The following CC2D1A variants were observed in gnomAD, a reference collection of about 807,000 sequenced individuals.
CC2D1A encodes the protein coiled-coil and C2 domain containing 1A.
A neutral mutation model predicts 123.8 loss-of-function variants in CC2D1A; 68 were observed. The observed-to-expected ratio is 0.55, with a 90% CI of 0.45 to 0.67. CC2D1A has a LOEUF of 0.67. Ranked by LOEUF, CC2D1A falls within the 30% of genes least tolerant of loss-of-function variation. CC2D1A has a pLI of 0.00. For missense variants in CC2D1A, 1,185 were observed against 1,290.3 expected (o/e 0.92, Z 1.25); for synonymous variants, 477 against 528.0 (o/e 0.90, Z 1.32).
chr19:13,924,534 A>G lies in CC2D1A; in HGVS notation c.1940+723A>G, dbSNP rs60244066. Among the ~76,000 whole-genome samples the G allele has an allele frequency of 1.8e-3, 266 of 151,628 alleles. 1 individual carries two copies. Among genetic ancestry groups the G allele is most frequent in the African/African-American group, 6.2e-3 (254 of 41,294 alleles). ...ACCCAGGCGGGAGTACAGTGGCGCAATCTCAGCTCACTTCAACCTCTGCCT... is the reference window on the plus strand; with the variant it reads ...ACCCAGGCGGGAGTACAGTGGCGCAGTCTCAGCTCACTTCAACCTCTGCCT... On this transcript the variant is annotated intron_variant, in intron 17 of 28. Coordinates refer to ENST00000318003, the MANE Select transcript of CC2D1A (RefSeq NM_017721.5).
At position 13,923,407 on chromosome 19, in the gene CC2D1A, C is replaced by T. The variant is rs375199593; in HGVS notation, c.1716C>T (p.Ala572=). Residue 572 remains alanine (A), a synonymous_variant, in exon 15 of 29, where the codon GCC becomes GCT. Coordinates refer to ENST00000318003, the MANE Select transcript of CC2D1A (RefSeq NM_017721.5). The surrounding 1 kb of genome is among the most constrained non-coding windows in gnomAD (Gnocchi z 5.3). ...QRPGPGLSQE[A]ARRYGELTKL... ...CTGGCCCGGGTCTGTCTCAGGAGGC[C>T]GCCCGGCGCTATGGTGAACTCACCA... 36 of 1,613,418 alleles carry T rather than the reference C, an allele frequency of 2.2e-5. No individual in the cohort carries two copies. The highest frequency in any genetic ancestry group is 4.4e-5 in the South Asian group (4 of 91,086).
Position 13,926,546 on chromosome 19 carries a change from T to TG in CC2D1A, c.1971dup (p.Leu658AlafsTer28). ...TTCCCTGACCTCAGCAGCAACGACATGCTCCTCTTCATCGTGAAGGGCATC... is the reference window on the plus strand; with the variant it reads ...TTCCCTGACCTCAGCAGCAACGACATGGCTCCTCTTCATCGTGAAGGGCATC... On this transcript the variant is annotated frameshift_variant, in exon 18 of 29. Transcript: ENST00000318003. LOFTEE classifies it high-confidence loss of function. The TG allele has an allele frequency of 6.2e-7, 1 of 1,614,098 alleles. No homozygotes were observed. Among genetic ancestry groups the TG allele is most frequent in the Non-Finnish European group, 8.5e-7 (1 of 1,179,992 alleles).
chr19:13,924,607 C>T (rs1971528200), intron 17 of CC2D1A, among the ~76,000 whole-genome samples: 1 of 152,122 alleles, frequency 6.6e-6, no homozygotes, highest in African/African-American at 2.4e-5. Flanking sequence ...ATAGCTGGGA[C>T]TACAGGTGCC....
rs746991206 is a variant in CC2D1A at position 13,928,042 on chromosome 19, C to T, written c.2454+12C>T. ...CAGCTGTGCCCACAGTGAGACCCCC[C>T]ACCCCCACCCATCAGCAACCCCAGG... On this transcript the variant is annotated intron_variant, in intron 23 of 28. Transcript: ENST00000318003. 30 of 1,610,932 alleles carry T rather than the reference C, an allele frequency of 1.9e-5. No homozygotes were observed. The highest frequency in any genetic ancestry group is 2.5e-5 in the Non-Finnish European group (29 of 1,177,560).
chr19:13,930,027 G>A lies in CC2D1A; in HGVS notation c.2711-51G>A. ...GATGGGCACAGTCCAGGAGGGTTGTGGGCAGTGAGGCCCCACCCTAAGCCT... is the reference window on the plus strand; with the variant it reads ...GATGGGCACAGTCCAGGAGGGTTGTAGGCAGTGAGGCCCCACCCTAAGCCT... On this transcript the variant is annotated intron_variant, in intron 26 of 28. Transcript: ENST00000318003. This position sits in a 1 kb window ranked among gnomAD's most constrained non-coding sequence, Gnocchi z 6.8. 6.4e-7 allele frequency: 1 copy of A among 1,571,706 alleles called. No homozygotes were observed.
At chr19:13,927,340 C>T in intron 22 of CC2D1A, 75 bp downstream of exon 22, 2 of 1,260,214 alleles carry the variant, frequency 1.6e-6, no homozygotes, top group Non-Finnish European at 2.3e-6. Flanking sequence ...CACTTCCTGC[C>T]TTGAGCCCTC....
chr19:13,918,926 C>G lies in CC2D1A; in HGVS notation c.1033C>G (p.Pro345Ala), dbSNP rs868611556. 5.6e-6 allele frequency: 9 copies of G among 1,610,742 alleles called. No individual in the cohort carries two copies. The Middle Eastern group carries it at 1.5e-3, about 267-fold the overall frequency. Residue 345 changes from proline (P) to alanine (A), a missense_variant, in exon 10 of 29, where the codon CCG becomes GCG. Coordinates refer to ENST00000318003, the MANE Select transcript of CC2D1A (RefSeq NM_017721.5). ...GTCCGGCCCAGAGGTGCCCCCACCCCCGAGGACCCTGCTGGAGGCGCTGGA... is the reference window on the plus strand; with the variant it reads ...GTCCGGCCCAGAGGTGCCCCCACCCGCGAGGACCCTGCTGGAGGCGCTGGA... ...APSTTEVPPP[P>A]RTLLEALEQR... is the part of the protein sequence containing the mutation.
rs1300365242 is a variant in CC2D1A at position 13,906,912 on chromosome 19, T to A, written c.60+411T>A. 6.6e-6 allele frequency among the ~76,000 whole-genome samples: 1 copy of A among 152,226 alleles called. No homozygotes were observed. Among genetic ancestry groups the A allele is most frequent in the Non-Finnish European group, 1.5e-5 (1 of 68,036 alleles). On this transcript the variant is annotated intron_variant, in intron 1 of 28. Coordinates refer to ENST00000318003, the MANE Select transcript of CC2D1A (RefSeq NM_017721.5). The surrounding 1 kb of genome is among the most constrained non-coding windows in gnomAD (Gnocchi z 4.1). ...CCAGGGCTAAGCACAAATCCAGGGC[T>A]GCAGCCATAAGCTTATGGCACTGTG...
chr19:13,918,418 G>A, intron 7 of CC2D1A, 86 bp from the exon 8 acceptor site: 8 of 1,327,686 alleles, frequency 6.0e-6, no homozygotes, highest in South Asian at 1.4e-5. Context: ...AGAAGTCCTC[G>A]GTGGCATGGA....
intron 22 of CC2D1A, 198 bp from the exon 23 acceptor site, chr19:13,927,695 G>GT: frequency 1.6e-6 from 1 of 611,246 alleles, no homozygotes; most frequent in Non-Finnish European, 2.9e-6. Flanking sequence ...GGAGAATGGC[G>GT]TAAGTAAACC....
At chr19:13,925,075 C>T (rs570606460) in intron 17 of CC2D1A, among the ~76,000 whole-genome samples, 1 of 152,186 alleles carries the variant, frequency 6.6e-6, no homozygotes, top group South Asian at 2.1e-4. Context: ...TATGATGTCA[C>T]CTTCCCTCTA....
chr19:13,929,637 A>C lies in CC2D1A; in HGVS notation c.2687A>C (p.Gln896Pro), dbSNP rs757600205. ...RSQWQRAQLE[Q>P]GGVGIRREYA... ...CAGTGGCAGAGGGCACAGCTGGAGC[A>C]GGGGGGTGTGGGCATCCGACGGGGT... The change falls in exon 26 of 29, where the codon CAG (glutamine) becomes CCG (proline). Residue 896 changes from glutamine (Q) to proline (P), a missense_variant. By Grantham distance (76) the Gln-to-Pro change is moderately conservative (BLOSUM62 -1). Transcript: ENST00000318003. 49 of 1,388,752 alleles carry C rather than the reference A, an allele frequency of 3.5e-5. No individual in the cohort carries two copies. Among genetic ancestry groups the C allele is most frequent in the Non-Finnish European group, 4.5e-5 (48 of 1,056,396 alleles). 86.0% of individuals were successfully genotyped at this position (1,388,752 alleles called of 1,614,324 possible). A position where few individuals can be genotyped will look rare whatever the true frequency, so the allele number is the denominator to read the frequency against.
intron 14 of CC2D1A, among the ~76,000 whole-genome samples, chr19:13,921,862 A>G (rs765800813): frequency 2.0e-5 from 3 of 152,214 alleles, no homozygotes; most frequent in Non-Finnish European, 4.4e-5. Flanking sequence ...AAACACAGTG[A>G]GACTCACTGT....
chr19:13,923,197 A>C lies in CC2D1A; in HGVS notation c.1642-136A>C. On this transcript the variant is annotated intron_variant, in intron 14 of 28. Transcript: ENST00000318003. This position sits in a 1 kb window ranked among gnomAD's most constrained non-coding sequence, Gnocchi z 5.3. ...AACAGAGCGAGACTCCATCTCAAAA[A>C]AAAAAAAAGACCAGAGAAGGGTGAC... 1 of 1,170,434 alleles carries C rather than the reference A, an allele frequency of 8.5e-7. No individual in the cohort carries two copies. The highest frequency in any genetic ancestry group is 1.2e-6 in the Non-Finnish European group (1 of 839,240). 72.5% of individuals were successfully genotyped at this position (1,170,434 alleles called of 1,614,324 possible). A position where few individuals can be genotyped will look rare whatever the true frequency, so the allele number is the denominator to read the frequency against.
At position 13,918,907 on chromosome 19, in the gene CC2D1A, C is replaced by T. The variant is rs1365965058; in HGVS notation, c.1019-5C>T. 6 of 1,608,570 alleles carry T rather than the reference C, an allele frequency of 3.7e-6. No homozygotes were observed. Among genetic ancestry groups the T allele is most frequent in the Admixed American group, 1.7e-5 (1 of 59,570 alleles). ...CTCTTAACCTTGTCCCCCTGTCCGG[C>T]CCAGAGGTGCCCCCACCCCCGAGGA... On this transcript the variant is annotated splice_polypyrimidine_tract_variant and splice_region_variant and intron_variant, in intron 9 of 28. Transcript: ENST00000318003.
At position 13,926,836 on chromosome 19, in the gene CC2D1A, G is replaced by A. The variant is rs370915483; in HGVS notation, c.2089G>A (p.Asp697Asn). 12 of 1,613,996 alleles carry A rather than the reference G, an allele frequency of 7.4e-6. No individual in the cohort carries two copies. In the African/African-American group the frequency reaches 9.3e-5, roughly 13 times the overall value. ...CTGGTCATAGGAAGAAGCTCAGAAA[G>A]ACAAGACCAGTGTGATCAAGAACAC... Reference protein sequence around the residue: ...PYPNVEEAQKDKTSVIKNTDS... With the variant: ...PYPNVEEAQKNKTSVIKNTDS... The change falls in exon 20 of 29, where the codon GAC becomes AAC. Residue 697 changes from aspartate (D) to asparagine (N), a missense_variant. Coordinates refer to ENST00000318003, the MANE Select transcript of CC2D1A (RefSeq NM_017721.5).
Position 13,927,881 on chromosome 19 carries a change from A to G in CC2D1A, c.2317-12A>G. 4 of 1,609,958 alleles carry G rather than the reference A, an allele frequency of 2.5e-6. No homozygotes were observed. The highest frequency in any genetic ancestry group is 3.4e-6 in the Non-Finnish European group (4 of 1,179,094). Reference sequence around the variant, plus strand: ...TGCTTCCCACCAACAGTTTCTCCTTACCCCCACCCAGGTCCTGGATGGTCG... The same window carrying G: ...TGCTTCCCACCAACAGTTTCTCCTTGCCCCCACCCAGGTCCTGGATGGTCG... On this transcript the variant is annotated splice_polypyrimidine_tract_variant and intron_variant, in intron 22 of 28. Coordinates refer to ENST00000318003, the MANE Select transcript of CC2D1A (RefSeq NM_017721.5).
At chr19:13,917,394 G>A (rs1971243619) in intron 6 of CC2D1A, among the ~76,000 whole-genome samples, 1 of 152,102 alleles carries the variant, frequency 6.6e-6, no homozygotes, top group South Asian at 2.1e-4. Flanking sequence ...GATCGCCTAA[G>A]CCCGGTGTCT....
At chr19:13,926,004 ATATATATATACG>A (rs1971606022) in intron 17 of CC2D1A, among the ~76,000 whole-genome samples, 1 of 127,820 alleles carries the variant, frequency 7.8e-6, no homozygotes, top group Non-Finnish European at 1.5e-5. Flanking sequence ...ATGTGTGTAT[ATATATATATACG>A]TATATATATG....
Sources: gnomAD v4.1 joint callset for allele counts (sites outside exome capture counted in the v4.1 genomes callset) on GRCh38, gnomAD v4.1.1 for gene constraint, Gnocchi (gnomAD v3.1) non-coding constraint, MANE v1.5 for transcripts, NCBI Gene and HGNC (gene_info 2026-07-23, HGNC 2026-07-21) for gene names.